The following LSM12 variants were observed in gnomAD, a reference collection of about 807,000 sequenced individuals.
The protein encoded by LSM12 is protein LSM12.
For missense variants in LSM12, 108 were observed against 238.9 expected, an observed-to-expected ratio of 0.45 and a Z score of 3.61; for synonymous variants, 74 against 87.3, an observed-to-expected ratio of 0.85 and a Z score of 0.85.
chr17:44,063,403 C>G (rs948222749), intron 2 of LSM12, among the ~76,000 whole-genome samples: 3 of 152,100 alleles, frequency 2.0e-5, no homozygotes, highest in Non-Finnish European at 4.4e-5. Context: ...CTCCGAGAAT[C>G]TGAAAAACAC....
chr17:44,046,361 G>GT (rs2049564802), intron 2 of LSM12, among the ~76,000 whole-genome samples: 1 of 152,042 alleles, frequency 6.6e-6, no homozygotes, highest in East Asian at 1.9e-4. Flanking sequence ...TATGGTAAGT[G>GT]TATGTTTAAT....
At position 44,034,362 on chromosome 17, in the gene LSM12, C is replaced by T. The variant is rs977441838; in HGVS notation, c.*1846G>A. On this transcript the variant is annotated 3_prime_UTR_variant, in exon 5 of 5. Coordinates refer to ENST00000293406, the MANE Select transcript of LSM12 (RefSeq NM_001371445.1). ...TCTGAAAGTTTACTTCTCAGCTCGC[C>T]GACCATTTGTGCCTCCAAACAGTCC... is the stretch of plus-strand genomic sequence containing the variant. 1.3e-5 allele frequency among the ~76,000 whole-genome samples: 2 copies of T among 150,830 alleles called. No homozygotes were observed. The highest frequency in any genetic ancestry group is 2.1e-4 in the South Asian group (1 of 4,824).
rs546765116 is a variant in LSM12 at position 44,040,996 on chromosome 17, C to A, written c.259-740G>T. 2.0e-3 allele frequency among the ~76,000 whole-genome samples: 300 copies of A among 150,438 alleles called. 1 individual carries two copies. Among genetic ancestry groups the A allele is most frequent in the African/African-American group, 6.9e-3 (283 of 40,754 alleles). ...ACTCCGTCTCAAAACAAAACAAAAC[C>A]AAACAAAAAAAAATACATACACATA... is the stretch of plus-strand genomic sequence containing the variant. On this transcript the variant is annotated intron_variant, in intron 2 of 4. Transcript: ENST00000293406.
chr17:44,041,943 AAC>A lies in LSM12; in HGVS notation c.259-1689_259-1688del, dbSNP rs530469012. On this transcript the variant is annotated intron_variant, in intron 2 of 4. Transcript: ENST00000293406. ...CTAACAATGCTGCAGCACATGTGCA[AAC>A]ACGCGCGAGAACACACAATTTGTCC... Among the ~76,000 whole-genome samples the A allele has an allele frequency of 4.6e-5, 7 of 152,340 alleles. No individual in the cohort carries two copies. The South Asian group carries it at 1.0e-3, about 23-fold the overall frequency.
chr17:44,066,685 G>A (rs2049885431), upstream of LSM12: 3 of 1,237,252 alleles, frequency 2.4e-6, no homozygotes, highest in African/African-American at 1.6e-5. Flanking sequence ...CACGGAGCGT[G>A]CTTGCGTCAC....
intron 2 of LSM12, among the ~76,000 whole-genome samples, chr17:44,058,202 A>C (rs1597895791): frequency 6.6e-6 from 1 of 151,636 alleles, no homozygotes; most frequent in South Asian, 2.1e-4. Context: ...GCGCCACTGC[A>C]CTCCAGCCTG....
At chr17:44,049,096 C>T (rs1156773658) in intron 2 of LSM12, among the ~76,000 whole-genome samples, 2 of 152,086 alleles carry the variant, frequency 1.3e-5, no homozygotes, top group Non-Finnish European at 2.9e-5. Flanking sequence ...GAGGCTGAGG[C>T]AGGACAATCA....
At chr17:44,042,722 G>A (rs912294447) in intron 2 of LSM12, among the ~76,000 whole-genome samples, 6 of 152,010 alleles carry the variant, frequency 3.9e-5, no homozygotes, top group African/African-American at 1.4e-4. Flanking sequence ...CTGCCACCAC[G>A]CCCAGCTAAT....
intron 3 of LSM12, 52 bp from the exon 4 acceptor site, chr17:44,037,590 T>C: frequency 2.0e-6 from 3 of 1,526,674 alleles, no homozygotes; most frequent in Non-Finnish European, 2.6e-6. Context: ...GCATCCCACA[T>C]CTCCTGTCTG....
chr17:44,063,744 A>G, intron 2 of LSM12, 57 bp downstream of exon 2: 1 of 1,562,158 alleles, frequency 6.4e-7, no homozygotes, highest in South Asian at 1.2e-5. Context: ...ACTAAGACTC[A>G]ATGAGACTCA....
At position 44,034,385 on chromosome 17, in the gene LSM12, T is replaced by C. The variant is rs965305470; in HGVS notation, c.*1823A>G. Among the ~76,000 whole-genome samples, 9 of 152,134 alleles carry C rather than the reference T, an allele frequency of 5.9e-5. No individual in the cohort carries two copies. The highest frequency in any genetic ancestry group is 1.2e-4 in the Non-Finnish European group (8 of 68,038). Reference sequence around the variant, plus strand: ...GCCGACCATTTGTGCCTCCAAACAGTCCTGTAACAAATGGTTCTATGTATG... The same window carrying C: ...GCCGACCATTTGTGCCTCCAAACAGCCCTGTAACAAATGGTTCTATGTATG... On this transcript the variant is annotated 3_prime_UTR_variant, in exon 5 of 5. Transcript: ENST00000293406.
chr17:44,042,361 T>C (rs1238885982), intron 2 of LSM12, among the ~76,000 whole-genome samples: 2 of 152,158 alleles, frequency 1.3e-5, no homozygotes, highest in Non-Finnish European at 2.9e-5. Context: ...CAAACATTTA[T>C]ATTCTGCTTT....
intron 2 of LSM12, among the ~76,000 whole-genome samples, chr17:44,042,043 T>C (rs1301306572): frequency 3.3e-5 from 5 of 152,126 alleles, no homozygotes; most frequent in African/African-American, 4.8e-5. Context: ...TCCCAGTACT[T>C]TGTGAGGCCG....
rs2049397268 is a variant in LSM12, at chr17:44,034,714, GAATT to G, written c.*1490_*1493del. Reference sequence around the variant, plus strand: ...AAATTTCATTTTGAAGGCAGGGCTTGAATTATTTAATTTGATCCATTTATTTAAT... The same window carrying G: ...AAATTTCATTTTGAAGGCAGGGCTTGATTTAATTTGATCCATTTATTTAAT... On this transcript the variant is annotated 3_prime_UTR_variant, in exon 5 of 5. Coordinates refer to ENST00000293406, the MANE Select transcript of LSM12 (RefSeq NM_001371445.1). The G allele has an allele frequency of 6.9e-6, 1 of 144,538 alleles. No homozygotes were observed. The highest frequency in any genetic ancestry group is 2.6e-5 in the African/African-American group (1 of 38,540). 9.0% of individuals were successfully genotyped at this position (144,538 alleles called of 1,614,324 possible).
At chr17:44,055,724 A>G (rs2049704694) in intron 2 of LSM12, among the ~76,000 whole-genome samples, 1 of 145,500 alleles carries the variant, frequency 6.9e-6, no homozygotes, top group Non-Finnish European at 1.5e-5. Flanking sequence ...ATATATATAA[A>G]ATATATTATA....
chr17:44,050,491 C>A (rs2049628777), intron 2 of LSM12, among the ~76,000 whole-genome samples: 1 of 151,682 alleles, frequency 6.6e-6, no homozygotes, highest in Non-Finnish European at 1.5e-5. Flanking sequence ...GCAACTGTTC[C>A]CTAGCTGAAA....
intron 2 of LSM12, among the ~76,000 whole-genome samples, chr17:44,059,963 G>C (rs1209748836): frequency 6.6e-6 from 1 of 152,100 alleles, no homozygotes; most frequent in African/African-American, 2.4e-5. Flanking sequence ...AGGAGATCGA[G>C]ACCATCCTGG....
At chr17:44,061,719 T>TG (rs1237194837) in intron 2 of LSM12, among the ~76,000 whole-genome samples, 9 of 152,230 alleles carry the variant, frequency 5.9e-5, no homozygotes, top group African/African-American at 2.2e-4. Context: ...TACACATTAT[T>TG]GCAAGATTCC....
intron 2 of LSM12, among the ~76,000 whole-genome samples, chr17:44,062,469 G>GT (rs2049810751): frequency 6.6e-6 from 1 of 152,178 alleles, no homozygotes; most frequent in Non-Finnish European, 1.5e-5. Context: ...CTGATGGGTG[G>GT]TAAGGCTCCA....
Sources: allele counts gnomAD v4.1 joint callset (sites outside exome capture counted in the v4.1 genomes callset), GRCh38; gene constraint gnomAD v4.1.1; transcripts MANE v1.5; gene names NCBI Gene and HGNC (gene_info 2026-07-23, HGNC 2026-07-21).